The following PRDM16 variants were observed in gnomAD, a reference collection of about 807,000 sequenced individuals.
PRDM16 encodes PR/SET domain 16.
A neutral mutation model predicts 110.6 loss-of-function variants in PRDM16; 23 were observed. The ratio of observed to expected loss-of-function variants is 0.21; its 90% CI spans 0.15 to 0.29. PRDM16 has a LOEUF of 0.29. Ranked by LOEUF, PRDM16 falls within the 10% of genes least tolerant of loss-of-function variation. The probability of loss-of-function intolerance (pLI) is 1.00; values close to 1 mark genes in which losing one functional copy is unlikely to be tolerated. For synonymous variants in PRDM16, 799 were observed against 781.8 expected, an observed-to-expected ratio of 1.02 and a Z score of -0.37; for missense variants, 1,615 against 1,794.3, an observed-to-expected ratio of 0.90 and a Z score of 1.81.
rs530216152 is a variant in PRDM16, at chr1:3,378,538, G to C, written c.439-6614G>C. 3.0e-4 allele frequency among the ~76,000 whole-genome samples: 45 copies of C among 152,250 alleles called. 1 individual carries two copies. In the South Asian group the frequency reaches 5.8e-3, roughly 20 times the overall value. On this transcript the variant is annotated intron_variant, in intron 3 of 16. Transcript: ENST00000270722. Reference sequence around the variant, plus strand: ...GCAGCCTGGGCTGGGAGCTGGCCCTGTCTCCAGGGGCCTCCATCTCCTCTT... The same window carrying C: ...GCAGCCTGGGCTGGGAGCTGGCCCTCTCTCCAGGGGCCTCCATCTCCTCTT...
At chr1:3,371,788 G>A (rs1336793918) in intron 3 of PRDM16, among the ~76,000 whole-genome samples, 1 of 152,338 alleles carries the variant, frequency 6.6e-6, no homozygotes, top group East Asian at 1.9e-4. Flanking sequence ...AGCACCCACC[G>A]CCCAGCCCAT....
chr1:3,384,522 C>T (rs1380779439), intron 3 of PRDM16, among the ~76,000 whole-genome samples: 1 of 152,200 alleles, frequency 6.6e-6, no homozygotes, highest in Admixed American at 6.5e-5. Context: ...TGCCACTCTG[C>T]CCGTTCAGAG....
At chr1:3,396,177 C>A in intron 4 of PRDM16, 1 of 441,478 alleles carries the variant, frequency 2.3e-6, no homozygotes, top group Non-Finnish European at 4.4e-6. Context: ...CCCAGGTGGG[C>A]TCTTGGTGGA....
chr1:3,249,193 G>A (rs1045109472), intron 3 of PRDM16, among the ~76,000 whole-genome samples: 1 of 151,904 alleles, frequency 6.6e-6, no homozygotes, highest in Non-Finnish European at 1.5e-5. Context: ...TCCTCCTAAA[G>A]GAGGCTGGAG....
At chr1:3,432,298 C>T (rs970200306) in intron 16 of PRDM16, among the ~76,000 whole-genome samples, 158 bp downstream of exon 16, 2 of 152,328 alleles carry the variant, frequency 1.3e-5, no homozygotes, top group East Asian at 1.9e-4. Flanking sequence ...CAGCGACCAC[C>T]GCCCTCCCGC....
At chr1:3,225,606 G>C (rs1202598262) in intron 2 of PRDM16, among the ~76,000 whole-genome samples, 2 of 151,422 alleles carry the variant, frequency 1.3e-5, no homozygotes, top group Non-Finnish European at 2.9e-5. Flanking sequence ...ACGCAAGGAA[G>C]ATCAGTTAAG....
At chr1:3,097,893 A>G (rs1642444102) in intron 1 of PRDM16, among the ~76,000 whole-genome samples, 1 of 152,076 alleles carries the variant, frequency 6.6e-6, no homozygotes, top group Non-Finnish European at 1.5e-5. Flanking sequence ...AGGGTGCAGG[A>G]AAGACCCAGG....
Position 3,365,964 on chromosome 1 carries a change from ACACACACG to A in PRDM16, c.439-19173_439-19166del, listed in dbSNP as rs567403223. On this transcript the variant is annotated intron_variant, in intron 3 of 16. Transcript: ENST00000270722. ...CAAACGCACACGCATGCACACATGCACACACACGCACACACGCACACAAACATGCACAC... is the reference window on the plus strand; with the variant it reads ...CAAACGCACACGCATGCACACATGCACACACACGCACACAAACATGCACAC... 5.3e-4 allele frequency among the ~76,000 whole-genome samples: 81 copies of A among 151,530 alleles called. 1 individual carries two copies. In the South Asian group the frequency reaches 0.01, roughly 19 times the overall value.
chr1:3,116,929 C>G (rs775127137), intron 1 of PRDM16, among the ~76,000 whole-genome samples: 6 of 152,246 alleles, frequency 3.9e-5, no homozygotes, highest in Admixed American at 1.3e-4. Context: ...GACCTCCCTC[C>G]CTCCACGGCA....
chr1:3,357,717 C>A (rs1048057399), intron 3 of PRDM16, among the ~76,000 whole-genome samples: 1 of 152,230 alleles, frequency 6.6e-6, no homozygotes, highest in African/African-American at 2.4e-5. Flanking sequence ...GGCCTTCCAG[C>A]AGCACTTCTC....
At chr1:3,293,344 C>G (rs960228517) in intron 3 of PRDM16, among the ~76,000 whole-genome samples, 4 of 152,234 alleles carry the variant, frequency 2.6e-5, no homozygotes, top group Non-Finnish European at 4.4e-5. Context: ...TCCCAGGCCA[C>G]CCGTGTGTCA....
chr1:3,404,721 G>A lies in PRDM16; in HGVS notation c.885-18G>A. On this transcript the variant is annotated intron_variant, in intron 6 of 16. Transcript: ENST00000270722. ...GGCAGGTAGTCGGGCCCCGCAGTGA[G>A]CCTCGTCCTCTGCGCAGCCTGGAGC... 6.2e-7 allele frequency: 1 copy of A among 1,612,666 alleles called. No homozygotes were observed. The highest frequency in any genetic ancestry group is 8.5e-7 in the Non-Finnish European group (1 of 1,179,820).
At chr1:3,311,347 G>T (rs1286271374) in intron 3 of PRDM16, among the ~76,000 whole-genome samples, 1 of 152,172 alleles carries the variant, frequency 6.6e-6, no homozygotes, top group Non-Finnish European at 1.5e-5. Flanking sequence ...GTTGGGGAGA[G>T]GTTCTTGGGT....
At chr1:3,137,380 CTCA>C (rs918346877) in intron 1 of PRDM16, among the ~76,000 whole-genome samples, 8 of 152,218 alleles carry the variant, frequency 5.3e-5, no homozygotes, top group African/African-American at 1.7e-4. Context: ...CCTGCAAAGC[CTCA>C]TCATGTGTGA....
Position 3,290,190 on chromosome 1 carries a change from G to A in PRDM16, c.438+46053G>A, listed in dbSNP as rs545822628. Among the ~76,000 whole-genome samples, 375 of 152,328 alleles carry A rather than the reference G, an allele frequency of 2.5e-3. 2 individuals are homozygous for A. The highest frequency in any genetic ancestry group is 3.1e-3 in the Non-Finnish European group (208 of 68,030). On this transcript the variant is annotated intron_variant, in intron 3 of 16. Transcript: ENST00000270722. The surrounding 1 kb of genome is among the most constrained non-coding windows in gnomAD (Gnocchi z 4.8). ...CACCCTACGACTCCAAGGCTGGCCC[G>A]GCACAGGGGCTCCCCTTGAGGTGGG... is the stretch of plus-strand genomic sequence containing the variant.
chr1:3,374,707 T>C (rs1262817244), intron 3 of PRDM16, among the ~76,000 whole-genome samples: 1 of 152,362 alleles, frequency 6.6e-6, no homozygotes, highest in East Asian at 1.9e-4. Context: ...CAGCATAGCC[T>C]GTTCACTGGG....
At chr1:3,335,846 C>T (rs1162653954) in intron 3 of PRDM16, among the ~76,000 whole-genome samples, 1 of 152,180 alleles carries the variant, frequency 6.6e-6, no homozygotes, top group Non-Finnish European at 1.5e-5. Context: ...ACAGGAGGCC[C>T]GGGGGCCAAG....
At chr1:3,099,641 G>A (rs560636571) in intron 1 of PRDM16, among the ~76,000 whole-genome samples, 2 of 152,312 alleles carry the variant, frequency 1.3e-5, no homozygotes, top group African/African-American at 2.4e-5. Context: ...AGCACGTGCC[G>A]AGTGCAGTGG....
At chr1:3,257,209 T>C (rs1234195923) in intron 3 of PRDM16, among the ~76,000 whole-genome samples, 1 of 152,202 alleles carries the variant, frequency 6.6e-6, no homozygotes. Context: ...GGTCCAGGGT[T>C]GTGGATCATT....
Sources: allele counts gnomAD v4.1 joint callset (sites outside exome capture counted in the v4.1 genomes callset), GRCh38; gene constraint gnomAD v4.1.1; non-coding constraint Gnocchi (gnomAD v3.1); transcripts MANE v1.5; gene names NCBI Gene and HGNC (gene_info 2026-07-23, HGNC 2026-07-21).